The following KLF17 variants were observed in gnomAD, a reference collection of about 807,000 sequenced individuals.
The protein encoded by KLF17 is KLF transcription factor 17, also known as Krueppel-like factor 17.
A neutral mutation model predicts 34.2 loss-of-function variants in KLF17; 31 were observed. That is an observed-to-expected ratio of 0.91 (90% confidence interval 0.68 to 1.22). The LOEUF (loss-of-function observed/expected upper bound fraction) is 1.22. Among genes scored for constraint, KLF17 ranks in the 50% most tolerant of loss-of-function variants. The probability of loss-of-function intolerance (pLI) is 0.00; values close to 1 mark genes in which losing one functional copy is unlikely to be tolerated. For synonymous variants in KLF17, 179 were observed against 186.7 expected, an observed-to-expected ratio of 0.96 and a Z score of 0.34; for missense variants, 478 against 505.2, an observed-to-expected ratio of 0.95 and a Z score of 0.52.
the KLF17 span, among the ~76,000 whole-genome samples, chr1:44,095,340 C>T: frequency 3.9e-5 from 6 of 151,946 alleles, no homozygotes; most frequent in South Asian, 6.3e-4. Flanking sequence ...CTCAGCCTAC[C>T]GAGTAGCTGG....
intron 1 of KLF17, among the ~76,000 whole-genome samples, chr1:44,127,552 T>C (rs2088024584): frequency 6.6e-6 from 1 of 151,604 alleles, no homozygotes; most frequent in Non-Finnish European, 1.5e-5. Flanking sequence ...CTTCCTTCCT[T>C]CCTTGAACTC....
the KLF17 span, among the ~76,000 whole-genome samples, chr1:44,102,628 AAAAG>A: frequency 5.7e-5 from 8 of 141,018 alleles, no homozygotes; most frequent in African/African-American, 1.0e-4. Context: ...AAGAAAAAGA[AAAAG>A]AAAGAAAGAA....
chr1:44,056,312 C>T, the KLF17 span, among the ~76,000 whole-genome samples: 263 of 152,290 alleles, frequency 1.7e-3, no homozygotes, highest in African/African-American at 6.1e-3. Flanking sequence ...GCCCAGATCT[C>T]TGTGCAAAAG....
In KLF17 at chr1:44,130,680, A is replaced by T. The variant is rs768103063; in HGVS notation, c.1094A>T (p.His365Leu). ...CATCTCAAGCAACACCAGAAGACTCATCGGCCGGGACCCTCAGACCCACAG... is the reference window on the plus strand; with the variant it reads ...CATCTCAAGCAACACCAGAAGACTCTTCGGCCGGGACCCTCAGACCCACAG... ...SDHLKQHQKT[H>L]RPGPSDPQAN... The change falls in exon 3 of 4, where the codon CAT (histidine) becomes CTT (leucine). Residue 365 changes from histidine to leucine, a missense_variant. Transcript: ENST00000372299. The T allele has an allele frequency of 6.2e-7, 1 of 1,612,328 alleles. No homozygotes were observed. Among genetic ancestry groups the T allele is most frequent in the Non-Finnish European group, 8.5e-7 (1 of 1,178,582 alleles).
At chr1:44,052,951 A>G in the KLF17 span, among the ~76,000 whole-genome samples, 3 of 147,784 alleles carry the variant, frequency 2.0e-5, no homozygotes, top group East Asian at 2.0e-4. Flanking sequence ...CACAGGCTGG[A>G]GTGCAGCGGC....
chr1:44,091,635 C>CAAAAAAAAAAAAA, the KLF17 span, among the ~76,000 whole-genome samples: 6 of 79,032 alleles, frequency 7.6e-5, no homozygotes, highest in Non-Finnish European at 1.2e-4. Context: ...GACTCCATCT[C>CAAAAAAAAAAAAA]AAAAAAAAAA....
chr1:44,108,332 G>T, the KLF17 span, among the ~76,000 whole-genome samples: 1 of 152,198 alleles, frequency 6.6e-6, no homozygotes, highest in Non-Finnish European at 1.5e-5. Context: ...ATCCCAAGAG[G>T]CATTGGAACT....
chr1:44,103,611 T>C, the KLF17 span: 1 of 1,607,936 alleles, frequency 6.2e-7, no homozygotes, highest in Non-Finnish European at 8.5e-7. Flanking sequence ...GGTGGCGATC[T>C]CGATCTCGAT....
chr1:44,046,292 A>T, the KLF17 span: 1 of 150,356 alleles, frequency 6.7e-6, no homozygotes, highest in Non-Finnish European at 1.5e-5. Context: ...ATCACGGCTC[A>T]CTGCAGCCTT....
chr1:44,078,803 AGGT>A, the KLF17 span, among the ~76,000 whole-genome samples: 3 of 152,044 alleles, frequency 2.0e-5, no homozygotes, highest in African/African-American at 7.2e-5. Context: ...CCCCCACAAC[AGGT>A]GGTTTCCTAG....
chr1:44,121,159 C>T (rs940786372), intron 1 of KLF17, among the ~76,000 whole-genome samples: 2 of 152,044 alleles, frequency 1.3e-5, no homozygotes, highest in African/African-American at 4.8e-5. Context: ...TGCTGTTGTC[C>T]AGGCTGGGGT....
the KLF17 span, among the ~76,000 whole-genome samples, chr1:44,099,897 G>GAAAGA: frequency 1.7e-5 from 1 of 57,920 alleles, no homozygotes; most frequent in South Asian, 7.4e-4. Flanking sequence ...AAGAAAGAAA[G>GAAAGA]AAAGAAAGAA....
chr1:44,069,159 A>G, the KLF17 span, among the ~76,000 whole-genome samples: 12 of 152,042 alleles, frequency 7.9e-5, no homozygotes, highest in East Asian at 2.1e-3. The surrounding 1 kb of genome is among the most constrained non-coding windows in gnomAD (Gnocchi z 4.7). Context: ...CTCACATCCT[A>G]CCAGGAGATG....
intron 1 of KLF17, among the ~76,000 whole-genome samples, chr1:44,127,688 TTCTTTTTCTTTC>T (rs1557732008): frequency 1.9e-4 from 6 of 32,330 alleles, no homozygotes; most frequent in Admixed American, 1.1e-3. Flanking sequence ...CTTTCTTTCT[TTCTTTTTCTTTC>T]TTTCTTTCTT....
At chr1:44,103,674 G>C in the KLF17 span, 5 of 1,609,440 alleles carry the variant, frequency 3.1e-6, no homozygotes, top group Admixed American at 8.3e-5. Flanking sequence ...CAGCTGCCGC[G>C]CCATGTCCTG....
the KLF17 span, among the ~76,000 whole-genome samples, chr1:44,049,884 A>G: frequency 6.6e-6 from 1 of 152,206 alleles, no homozygotes; most frequent in African/African-American, 2.4e-5. Context: ...ATATATAATA[A>G]TTTATCCATT....
At chr1:44,115,462 A>C (rs1246420322), upstream of KLF17, 1 of 151,206 alleles carries the variant, frequency 6.6e-6, no homozygotes, top group African/African-American at 2.4e-5. Context: ...AAAAAAAAAA[A>C]AAAAAAAAAA....
chr1:44,113,580 T>C, the KLF17 span, among the ~76,000 whole-genome samples: 1 of 152,054 alleles, frequency 6.6e-6, no homozygotes, highest in Non-Finnish European at 1.5e-5. Context: ...GAAGCATTAG[T>C]GACGAGTGGG....
chr1:44,129,721 T>A lies in KLF17; in HGVS notation c.450T>A (p.Asn150Lys), dbSNP rs751544291. Residue 150 changes from asparagine (N) to lysine (K), a missense_variant, in exon 2 of 4, where the codon AAT becomes AAA. Transcript: ENST00000372299. ...GGGTAGCCAGGCCCTTCGGTGGGAA[T>A]CTAAGGATGCCCCCCAATGGGCTGC... ...IPRVARPFGG[N>K]LRMPPNGLPV... is the part of the protein sequence containing the mutation. The A allele has an allele frequency of 4.3e-6, 7 of 1,613,968 alleles. No homozygotes were observed. Among genetic ancestry groups the A allele is most frequent in the Admixed American group, 3.3e-5 (2 of 59,974 alleles).
Sources: allele counts gnomAD v4.1 joint callset (sites outside exome capture counted in the v4.1 genomes callset), GRCh38; gene constraint gnomAD v4.1.1; non-coding constraint Gnocchi (gnomAD v3.1); transcripts MANE v1.5; gene names NCBI Gene and HGNC (gene_info 2026-07-23, HGNC 2026-07-21).